Variants in KRT71 observed in about 807,000 individuals in gnomAD.
The protein encoded by KRT71 is keratin 71.
KRT71 carries 42 observed loss-of-function variants against 46.2 expected under a neutral mutation model. The observed-to-expected ratio is 0.91, with a 90% CI of 0.71 to 1.18. The LOEUF (loss-of-function observed/expected upper bound fraction) is 1.18, where lower values mean the gene tolerates loss of function less well. Among genes scored for constraint, KRT71 ranks in the 50% most tolerant of loss-of-function variants. The pLI, the probability that KRT71 is intolerant of heterozygous loss-of-function variation, is 0.00. For missense variants in KRT71, 708 were observed against 677.9 expected, an observed-to-expected ratio of 1.04 and a Z score of -0.49; for synonymous variants, 292 against 277.8, an observed-to-expected ratio of 1.05 and a Z score of -0.51.
rs1312286404 is a variant in KRT71, at chr12:52,548,746, T to A, written c.768A>T (p.Glu256Asp). Residue 256 changes from glutamate (E) to aspartate (D), a missense_variant, in exon 4 of 9, where the codon GAA becomes GAT. By Grantham distance (45) the Glu-to-Asp change is conservative. Transcript: ENST00000267119. ...AGAACTTGATCTCCTGGTCCATGGA[T>A]TCCACCTTGGCCTGCAGTTCCACCT... ...ANKVELQAKV[E>D]SMDQEIKFFR... 6.2e-7 allele frequency: 1 copy of A among 1,614,224 alleles called. No individual in the cohort carries two copies. The highest frequency in any genetic ancestry group is 8.5e-7 in the Non-Finnish European group (1 of 1,180,036).
rs769799419 is a variant in KRT71, at chr12:52,550,014, ACTC to A, written c.656+12_656+14del. The A allele has an allele frequency of 8.9e-5, 144 of 1,612,914 alleles. No individual in the cohort carries two copies. The highest frequency in any genetic ancestry group is 1.2e-4 in the Non-Finnish European group (137 of 1,179,482). ...AGGGCAGTTGTCCAGTTACAGGGGG[ACTC>A]CTCCTGCTCACCTCTTCTTGTAGTC... On this transcript the variant is annotated intron_variant, in intron 2 of 8. Coordinates refer to ENST00000267119, the MANE Select transcript of KRT71 (RefSeq NM_033448.3).
chr12:52,548,247 G>T lies in KRT71; in HGVS notation c.883C>A (p.Leu295Ile). Residue 295 changes from leucine to isoleucine, a missense_variant, in exon 5 of 9, where the codon CTA becomes ATA. By Grantham distance (5) the Leu-to-Ile change is conservative. Coordinates refer to ENST00000267119, the MANE Select transcript of KRT71 (RefSeq NM_033448.3). ...TCGTCAATGATGCTGTCCAGGTCTAGGTTCCGGTTGTTGTCCATGGACAGG... is the reference window on the plus strand; with the variant it reads ...TCGTCAATGATGCTGTCCAGGTCTATGTTCCGGTTGTTGTCCATGGACAGG... ...VILSMDNNRNLDLDSIIDEVR... is the reference protein window; with the variant it reads ...VILSMDNNRNIDLDSIIDEVR... 6.2e-7 allele frequency: 1 copy of T among 1,614,206 alleles called. No homozygotes were observed. The highest frequency in any genetic ancestry group is 8.5e-7 in the Non-Finnish European group (1 of 1,180,030).
In KRT71 at chr12:52,550,013, G is replaced by C. The variant is rs1264561794; in HGVS notation, c.656+16C>G. On this transcript the variant is annotated intron_variant, in intron 2 of 8. Coordinates refer to ENST00000267119, the MANE Select transcript of KRT71 (RefSeq NM_033448.3). ...AAGGGCAGTTGTCCAGTTACAGGGGGACTCCTCCTGCTCACCTCTTCTTGT... is the reference window on the plus strand; with the variant it reads ...AAGGGCAGTTGTCCAGTTACAGGGGCACTCCTCCTGCTCACCTCTTCTTGT... 4.3e-6 allele frequency: 7 copies of C among 1,613,660 alleles called. No homozygotes were observed. In the Admixed American group the frequency reaches 1.2e-4, roughly 27 times the overall value.
At position 52,553,105 on chromosome 12, in the gene KRT71, C is replaced by A. The variant is rs756212158; in HGVS notation, c.-28G>T. ...TGCTGGTGGAGACAAAGCTCAGATG[C>A]AGGAGGGAGGAAGGCAAAATCCCAA... On this transcript the variant is annotated 5_prime_UTR_variant, in exon 1 of 9. Transcript: ENST00000267119. 1 of 1,545,210 alleles carries A rather than the reference C, an allele frequency of 6.5e-7. No individual in the cohort carries two copies. The highest frequency in any genetic ancestry group is 8.7e-7 in the Non-Finnish European group (1 of 1,146,994).
At position 52,550,158 on chromosome 12, in the gene KRT71, T is replaced by A. The variant is rs1385860411; in HGVS notation, c.527A>T (p.Asn176Ile). ...GTAGCCCTCGAGGATGGGCTCCAGG[T>A]TGTTCTTGCAGTTGTTCAGGTCCAG... ...QQLDLNNCKNNLEPILEGYIS... is the reference protein window; with the variant it reads ...QQLDLNNCKNILEPILEGYIS... Residue 176 changes from asparagine to isoleucine, a missense_variant, in exon 2 of 9, where the codon AAC becomes ATC. Transcript: ENST00000267119. 2.5e-6 allele frequency: 4 copies of A among 1,614,136 alleles called. No individual in the cohort carries two copies. The East Asian group carries it at 8.9e-5, about 36-fold the overall frequency.
In KRT71 at chr12:52,548,888, T is replaced by C. The variant is rs1218374804; in HGVS notation, c.718-92A>G. 2.8e-6 allele frequency: 3 copies of C among 1,074,966 alleles called. No homozygotes were observed. The African/African-American group carries it at 4.7e-5, about 17-fold the overall frequency. The allele number at this position is 1,074,966 out of a possible 1,614,324, so 66.6% of individuals were successfully genotyped here. A position where few individuals can be genotyped will look rare whatever the true frequency, so the allele number is the denominator to read the frequency against. ...CTGGGTTCCCTGAGTGAAGAAGGAGTCACTCTCTTCTCTTCACTTTGCCTT... is the reference window on the plus strand; with the variant it reads ...CTGGGTTCCCTGAGTGAAGAAGGAGCCACTCTCTTCTCTTCACTTTGCCTT... On this transcript the variant is annotated intron_variant, in intron 3 of 8. Transcript: ENST00000267119.
rs773658900 is a variant in KRT71, at chr12:52,544,500, A to G, written c.*32T>C. The G allele has an allele frequency of 6.3e-7, 1 of 1,587,076 alleles. No individual in the cohort carries two copies. The highest frequency in any genetic ancestry group is 8.7e-7 in the Non-Finnish European group (1 of 1,155,498). Reference sequence around the variant, plus strand: ...ACAGTGTGGGATCCAGAGCCGGGTCATGGAATGAGGCGGGGCCCGGGGCAG... The same window carrying G: ...ACAGTGTGGGATCCAGAGCCGGGTCGTGGAATGAGGCGGGGCCCGGGGCAG... On this transcript the variant is annotated 3_prime_UTR_variant, in exon 9 of 9. Transcript: ENST00000267119.
At position 52,552,641 on chromosome 12, in the gene KRT71, T is replaced by C; in HGVS notation, c.437A>G (p.Asp146Gly). The C allele has an allele frequency of 1.2e-6, 2 of 1,609,452 alleles. No homozygotes were observed. The highest frequency in any genetic ancestry group is 1.1e-5 in the South Asian group (1 of 90,242). The change falls in exon 1 of 9, where the codon GAC becomes GGC. Residue 146 changes from aspartate (D) to glycine (G), a missense_variant. Transcript: ENST00000267119. ...CCCAGGCCCTAGAAGACCCACCTTG[T>C]CGATGAAGGAGGCGAACTTGTTGTT... ...ALNNKFASFI[D>G]KVRFLEQQNQ...
rs377672073 is a variant in KRT71 at position 52,546,371 on chromosome 12, C to T, written c.1240G>A (p.Glu414Lys). The change falls in exon 7 of 9, where the codon GAG (glutamate) becomes AAG (lysine). Residue 414 changes from glutamate (E) to lysine (K), a missense_variant. Physicochemically the swap from Glu to Lys is moderately conservative, Grantham distance 56. Transcript: ENST00000267119. ...TTCAGGCTCATGAGCTCCTGGTACT[C>T]GCGCAGCATCCGCGCCAGCTCCTCC... ...AKEELARMLR[E>K]YQELMSLKLA... 4.3e-6 allele frequency: 7 copies of T among 1,614,080 alleles called. No homozygotes were observed. In the South Asian group the frequency reaches 4.4e-5, roughly 10 times the overall value.
chr12:52,552,600 G>T, intron 1 of KRT71, 37 bp downstream of exon 1: 1 of 1,563,688 alleles, frequency 6.4e-7, no homozygotes, highest in Non-Finnish European at 8.7e-7. Flanking sequence ...AGAAGAGGAG[G>T]GCTGTTCACA....
chr12:52,546,374 G>T lies in KRT71; in HGVS notation c.1237C>A (p.Arg413Ser). The T allele has an allele frequency of 1.2e-6, 2 of 1,614,154 alleles. No homozygotes were observed. Among genetic ancestry groups the T allele is most frequent in the East Asian group, 2.2e-5 (1 of 44,868 alleles). The change falls in exon 7 of 9, where the codon CGC becomes AGC. Residue 413 changes from arginine to serine, a missense_variant. Physicochemically the swap from Arg to Ser is moderately radical, Grantham distance 110. Transcript: ENST00000267119. Reference protein sequence around the residue: ...QAKEELARMLREYQELMSLKL... With the variant: ...QAKEELARMLSEYQELMSLKL... Reference sequence around the variant, plus strand: ...AGGCTCATGAGCTCCTGGTACTCGCGCAGCATCCGCGCCAGCTCCTCCTTG... The same window carrying T: ...AGGCTCATGAGCTCCTGGTACTCGCTCAGCATCCGCGCCAGCTCCTCCTTG...
At position 52,544,339 on chromosome 12, in the gene KRT71, C is replaced by A; in HGVS notation, c.*193G>T. On this transcript the variant is annotated 3_prime_UTR_variant, in exon 9 of 9. Transcript: ENST00000267119. ...AGGGTGTGTACAGGGAGGAATTTCA[C>A]CAAGCTTGGTCATCCAGGCCTTCCC... is the stretch of plus-strand genomic sequence containing the variant. 3.0e-6 allele frequency: 2 copies of A among 674,274 alleles called. No individual in the cohort carries two copies. The highest frequency in any genetic ancestry group is 5.3e-6 in the Non-Finnish European group (2 of 375,334). 41.8% of individuals were successfully genotyped at this position (674,274 alleles called of 1,614,324 possible).
chr12:52,550,047 A>G lies in KRT71; in HGVS notation c.638T>C (p.Val213Ala), dbSNP rs766372400. The G allele has an allele frequency of 1.9e-6, 3 of 1,614,080 alleles. No individual in the cohort carries two copies. In the East Asian group the frequency reaches 6.7e-5, roughly 36 times the overall value. The change falls in exon 2 of 9, where the codon GTG becomes GCG. Residue 213 changes from valine to alanine, a missense_variant. Val to Ala is a moderately conservative substitution (Grantham distance 64). Coordinates refer to ENST00000267119, the MANE Select transcript of KRT71 (RefSeq NM_033448.3). ...TGCTCACCTCTTCTTGTAGTCCTCC[A>G]CTACGTCCCGCACATTCCTCAGCTC... is the stretch of plus-strand genomic sequence containing the variant. ...DSELRNVRDV[V>A]EDYKKRYEEE...
chr12:52,544,582 G>A lies in KRT71; in HGVS notation c.1522C>T (p.Leu508=). The A allele has an allele frequency of 6.2e-7, 1 of 1,614,072 alleles. No homozygotes were observed. The highest frequency in any genetic ancestry group is 8.5e-7 in the Non-Finnish European group (1 of 1,179,970). The change falls in exon 9 of 9, where the codon CTA becomes TTA. Residue 508 remains leucine (L), a synonymous_variant. Transcript: ENST00000267119. ...GCACTCAGGCTGGAACCCTTCCCTA[G>A]GGTGTCTTTGTAATCGTTGGCACTG... ...RGSANDYKDT[L]GKGSSLSAPS...
chr12:52,544,820 C>G (rs1027577672), intron 8 of KRT71, 77 bp from the exon 9 acceptor site: 6 of 1,304,602 alleles, frequency 4.6e-6, no homozygotes, highest in Non-Finnish European at 6.4e-6. Flanking sequence ...GCAGACAGGG[C>G]TTTTCTTGGA....
chr12:52,550,157 G>A lies in KRT71; in HGVS notation c.528C>T (p.Asn176=), dbSNP rs749241237. The stretch of plus-strand genomic sequence containing the variant: ...TGTAGCCCTCGAGGATGGGCTCCAG[G>A]TTGTTCTTGCAGTTGTTCAGGTCCA... The part of the protein sequence containing the change: ...QQLDLNNCKN[N]LEPILEGYIS... Residue 176 remains asparagine, a synonymous_variant, in exon 2 of 9, where the codon AAC becomes AAT. Coordinates refer to ENST00000267119, the MANE Select transcript of KRT71 (RefSeq NM_033448.3). The A allele has an allele frequency of 1.2e-5, 20 of 1,614,178 alleles. No individual in the cohort carries two copies. Among genetic ancestry groups the A allele is most frequent in the Non-Finnish European group, 1.6e-5 (19 of 1,180,038 alleles).
In KRT71 at chr12:52,549,288, C is replaced by A. The variant is rs1017252675; in HGVS notation, c.717+5G>T. On this transcript the variant is annotated splice_donor_5th_base_variant and intron_variant, in intron 3 of 8. Coordinates refer to ENST00000267119, the MANE Select transcript of KRT71 (RefSeq NM_033448.3). ...CCCGGGACTCAGGGCCTGCCTTCCC[C>A]TCACCTTCTTGAGCAGCACAAACTC... 4 of 1,612,996 alleles carry A rather than the reference C, an allele frequency of 2.5e-6. No homozygotes were observed. Among genetic ancestry groups the A allele is most frequent in the Non-Finnish European group, 3.4e-6 (4 of 1,179,078 alleles).
chr12:52,546,281 CCCA>C lies in KRT71; in HGVS notation c.1325+2_1325+4del. ...GGCCCTCCTGTCTGGGCACGCCCCG[CCCA>C]CCTGCACTCCTCGCTCTCCAGTAGC... On this transcript the variant is annotated splice_donor_variant and splice_donor_region_variant and intron_variant, in intron 7 of 8. Coordinates refer to ENST00000267119, the MANE Select transcript of KRT71 (RefSeq NM_033448.3). LOFTEE classifies it high-confidence loss of function. 6.2e-7 allele frequency: 1 copy of C among 1,613,970 alleles called. No homozygotes were observed. Among genetic ancestry groups the C allele is most frequent in the Non-Finnish European group, 8.5e-7 (1 of 1,179,872 alleles).
chr12:52,549,860 G>T (rs1939133419), intron 2 of KRT71, among the ~76,000 whole-genome samples, 169 bp downstream of exon 2: 1 of 152,158 alleles, frequency 6.6e-6, no homozygotes, highest in Non-Finnish European at 1.5e-5. Flanking sequence ...GCCAGAGGCT[G>T]GAGGAGCAGA....
Sources: allele counts gnomAD v4.1 joint callset (sites outside exome capture counted in the v4.1 genomes callset), GRCh38; gene constraint gnomAD v4.1.1; transcripts MANE v1.5; gene names NCBI Gene and HGNC (gene_info 2026-07-23, HGNC 2026-07-21).